SH3D19: variants seen among roughly 807,000 people sequenced by gnomAD.
The protein encoded by SH3D19 is SH3 domain containing 19.
A neutral mutation model predicts 112.1 loss-of-function variants in SH3D19; 58 were observed. The observed-to-expected ratio is 0.52, with a 90% CI of 0.42 to 0.64. SH3D19 has a LOEUF of 0.64. Ranked by LOEUF, SH3D19 falls within the 30% of genes least tolerant of loss-of-function variation. SH3D19 has a pLI of 0.00. For missense variants in SH3D19, 1,090 were observed against 1,263.4 expected, an observed-to-expected ratio of 0.86 and a Z score of 2.08; for synonymous variants, 391 against 448.5, an observed-to-expected ratio of 0.87 and a Z score of 1.62.
In SH3D19 at chr4:151,283,210, T is replaced by C. The variant is rs776510222; in HGVS notation, c.112+42031A>G. ...CTCTACAATCCCATCGGTATCTTCT[T>C]GCCAGCACTGGAGCCAGTCATCAAG... is the stretch of plus-strand genomic sequence containing the variant. On this transcript the variant is annotated intron_variant, in intron 1 of 19. Transcript: ENST00000604030. 3.2e-5 allele frequency: 52 copies of C among 1,613,782 alleles called. No homozygotes were observed. Among genetic ancestry groups the C allele is most frequent in the Non-Finnish European group, 4.1e-5 (48 of 1,179,842 alleles).
At chr4:151,127,829 G>C in intron 18 of SH3D19, 114 bp from the exon 19 acceptor site, 1 of 538,976 alleles carries the variant, frequency 1.9e-6, no homozygotes, top group Non-Finnish European at 3.1e-6. Flanking sequence ...CTTCTCTTCA[G>C]AGGTAGTGAT....
chr4:151,239,458 T>C (rs192075228), intron 1 of SH3D19, among the ~76,000 whole-genome samples: 70 of 152,320 alleles, frequency 4.6e-4, no homozygotes, highest in African/African-American at 1.6e-3. Flanking sequence ...AGAAGAAGTA[T>C]TGTGCTTACC....
At chr4:151,293,868 A>G (rs1775526099) in intron 1 of SH3D19, among the ~76,000 whole-genome samples, 2 of 152,058 alleles carry the variant, frequency 1.3e-5, no homozygotes, top group Non-Finnish European at 2.9e-5. Context: ...CAAACATTCT[A>G]AGCACCCTTT....
chr4:151,154,446 A>G (rs1396276662), intron 9 of SH3D19, among the ~76,000 whole-genome samples: 1 of 145,116 alleles, frequency 6.9e-6, no homozygotes, highest in Non-Finnish European at 1.5e-5. Flanking sequence ...CACCTGGCTA[A>G]TTTTTGTATT....
chr4:151,279,967 T>A, intron 1 of SH3D19: 1 of 1,456,786 alleles, frequency 6.9e-7, no homozygotes, highest in Non-Finnish European at 9.2e-7. Flanking sequence ...CCGTGAGTTC[T>A]AGCTGGCAGC....
At chr4:151,171,522 C>T (rs774133972) in intron 7 of SH3D19, among the ~76,000 whole-genome samples, 3 of 152,290 alleles carry the variant, frequency 2.0e-5, no homozygotes, top group East Asian at 1.9e-4. Context: ...TGTCTTCCCT[C>T]TACCCCCTCA....
chr4:151,251,691 C>T (rs1475816484), intron 1 of SH3D19, among the ~76,000 whole-genome samples: 1 of 152,146 alleles, frequency 6.6e-6, no homozygotes, highest in Non-Finnish European at 1.5e-5. Flanking sequence ...CTTCTTCATA[C>T]CTTCCTCTGA....
intron 1 of SH3D19, among the ~76,000 whole-genome samples, chr4:151,281,089 A>G (rs555180982): frequency 1.3e-5 from 2 of 151,348 alleles, no homozygotes; most frequent in South Asian, 4.2e-4. Flanking sequence ...AGAAAGTCAT[A>G]AAGGATAAAG....
chr4:151,144,493 T>A (rs900035168), intron 11 of SH3D19: 12 of 573,336 alleles, frequency 2.1e-5, no homozygotes, highest in Non-Finnish European at 3.7e-5. Context: ...GTTAGGCCCA[T>A]AGAACCACAA....
intron 3 of SH3D19, among the ~76,000 whole-genome samples, chr4:151,183,035 A>C (rs1460965621): frequency 1.4e-5 from 2 of 141,648 alleles, no homozygotes; most frequent in Non-Finnish European, 3.0e-5. Flanking sequence ...TCTGTCGCCC[A>C]GGCTGGAGTG....
intron 1 of SH3D19, chr4:151,291,445 G>A: frequency 6.2e-7 from 1 of 1,604,232 alleles, no homozygotes; most frequent in South Asian, 1.1e-5. Flanking sequence ...TAGTCCCAGG[G>A]GCAGATAACT....
chr4:151,321,509 T>C (rs983898066), intron 1 of SH3D19, among the ~76,000 whole-genome samples: 1 of 152,130 alleles, frequency 6.6e-6, no homozygotes, highest in Non-Finnish European at 1.5e-5. Flanking sequence ...AAATCAACCA[T>C]GAAATCCTTT....
intron 1 of SH3D19, among the ~76,000 whole-genome samples, chr4:151,275,747 C>T (rs1339867368): frequency 2.0e-5 from 3 of 152,182 alleles, no homozygotes; most frequent in Middle Eastern, 3.4e-3. Flanking sequence ...TCTCAAACTC[C>T]TGGTCTCAAG....
At chr4:151,138,727 C>T (rs1158143210) in intron 13 of SH3D19, among the ~76,000 whole-genome samples, 2 of 144,382 alleles carry the variant, frequency 1.4e-5, no homozygotes, top group Admixed American at 6.9e-5. Context: ...CACACACACA[C>T]ACACACAAAT....
intron 3 of SH3D19, among the ~76,000 whole-genome samples, chr4:151,180,652 C>A (rs1023883407): frequency 6.6e-6 from 1 of 151,180 alleles, no homozygotes. Context: ...GTGATCCACC[C>A]GCCTTGGCCT....
chr4:151,176,833 T>A lies in SH3D19; in HGVS notation c.359A>T (p.Glu120Val). 1 of 1,232,156 alleles carries A rather than the reference T, an allele frequency of 8.1e-7. No homozygotes were observed. The highest frequency in any genetic ancestry group is 3.2e-5 in the East Asian group (1 of 31,710). The allele number at this position is 1,232,156 out of a possible 1,614,324, so 76.3% of individuals were successfully genotyped here. ...TTTATTCACCTCAGCAGGAACCAGC[T>A]CATTAGGCCTCCAAGAGCCTGCTGC... ...SSAAGSWRPN[E>V]LVPAELPPSY... The change falls in exon 5 of 20, where the codon GAG becomes GTG. Residue 120 changes from glutamate to valine, a missense_variant. By Grantham distance (121) the Glu-to-Val change is moderately radical. Transcript: ENST00000604030.
rs568955503 is a variant in SH3D19, at chr4:151,134,983, G to T, written c.2486+91C>A. 5 of 1,048,154 alleles carry T rather than the reference G, an allele frequency of 4.8e-6. No homozygotes were observed. In the South Asian group the frequency reaches 7.4e-5, roughly 15 times the overall value. The allele number at this position is 1,048,154 out of a possible 1,614,324, so 64.9% of individuals were successfully genotyped here. A position where few individuals can be genotyped will look rare whatever the true frequency, so the allele number is the denominator to read the frequency against. Reference sequence around the variant, plus strand: ...GATACAGGTCTGAGCCACCATGCCTGGCCTTGGAGTGTTTTAAGCTTGATA... The same window carrying T: ...GATACAGGTCTGAGCCACCATGCCTTGCCTTGGAGTGTTTTAAGCTTGATA... On this transcript the variant is annotated intron_variant, in intron 15 of 19. Transcript: ENST00000604030.
At chr4:151,247,640 C>T (rs1203836797) in intron 1 of SH3D19, among the ~76,000 whole-genome samples, 1 of 152,136 alleles carries the variant, frequency 6.6e-6, no homozygotes, top group Non-Finnish European at 1.5e-5. Flanking sequence ...AGAAAGATCG[C>T]TTGTGCCCAC....
intron 14 of SH3D19, 136 bp downstream of exon 14, chr4:151,137,596 T>G: frequency 1.5e-6 from 1 of 662,144 alleles, no homozygotes. Flanking sequence ...AAATCTTTAT[T>G]TTTGAATTTT....
Sources: allele counts gnomAD v4.1 joint callset (sites outside exome capture counted in the v4.1 genomes callset), GRCh38; gene constraint gnomAD v4.1.1; transcripts MANE v1.5; gene names NCBI Gene and HGNC (gene_info 2026-07-23, HGNC 2026-07-21).